The following ADRA1B variants were observed in gnomAD, a reference collection of about 807,000 sequenced individuals.
ADRA1B encodes the protein adrenoceptor alpha 1B.
A neutral mutation model predicts 17.9 loss-of-function variants in ADRA1B; 17 were observed. The ratio of observed to expected loss-of-function variants is 0.95; its 90% CI spans 0.65 to 1.42. The LOEUF (loss-of-function observed/expected upper bound fraction) is 1.42, where lower values mean the gene tolerates loss of function less well. Ranked by LOEUF, ADRA1B falls within the 40% of genes most tolerant of loss-of-function variation. ADRA1B has a pLI of 0.00. For missense variants in ADRA1B, 681 were observed against 722.1 expected, an observed-to-expected ratio of 0.94 and a Z score of 0.65; for synonymous variants, 366 against 327.6, an observed-to-expected ratio of 1.12 and a Z score of -1.27.
chr5:159,883,631 C>T (rs1753890920), intron 1 of ADRA1B, among the ~76,000 whole-genome samples: 1 of 152,188 alleles, frequency 6.6e-6, no homozygotes, highest in African/African-American at 2.4e-5. Context: ...CAAATTAGGC[C>T]TTCCCCATGG....
intron 1 of ADRA1B, among the ~76,000 whole-genome samples, chr5:159,901,883 C>T (rs1383569350): frequency 6.6e-6 from 1 of 152,138 alleles, no homozygotes; most frequent in Non-Finnish European, 1.5e-5. Context: ...AATTGGAAGC[C>T]TTGCACACTG....
upstream of ADRA1B, among the ~76,000 whole-genome samples, chr5:159,911,826 C>A (rs1754229981): frequency 6.6e-6 from 1 of 152,104 alleles, no homozygotes; most frequent in African/African-American, 2.4e-5. Context: ...TTCTTCGAGT[C>A]CCCACAGACC....
chr5:159,962,815 G>A (rs76204148), intron 1 of ADRA1B, among the ~76,000 whole-genome samples: 10,012 of 140,808 alleles, frequency 0.071, 523 homozygotes, highest in East Asian at 0.18. Flanking sequence ...GTCCACAGGT[G>A]TGGGGGCCAC....
chr5:159,940,882 A>G (rs1210334922), intron 1 of ADRA1B, among the ~76,000 whole-genome samples: 6 of 152,246 alleles, frequency 3.9e-5, no homozygotes, highest in Non-Finnish European at 7.3e-5. Context: ...AAAAGGAGAT[A>G]CATGAAATGC....
chr5:159,942,066 G>A (rs552505705), intron 1 of ADRA1B, among the ~76,000 whole-genome samples: 1 of 152,030 alleles, frequency 6.6e-6, no homozygotes, highest in Non-Finnish European at 1.5e-5. Flanking sequence ...GGGACTACAG[G>A]TGCCCGCCAC....
intron 1 of ADRA1B, among the ~76,000 whole-genome samples, chr5:159,948,763 A>G (rs1755345650): frequency 6.6e-6 from 1 of 152,192 alleles, no homozygotes; most frequent in Non-Finnish European, 1.5e-5. Flanking sequence ...ACTTATGTTG[A>G]ATATTTGGGG....
At chr5:159,973,212 T>C (rs1755920623), downstream of ADRA1B, among the ~76,000 whole-genome samples, 1 of 152,232 alleles carries the variant, frequency 6.6e-6, no homozygotes, top group South Asian at 2.1e-4. Context: ...ATTTACGCCT[T>C]TGCGGTTACT....
chr5:159,963,190 C>T (rs1755709535), intron 1 of ADRA1B, among the ~76,000 whole-genome samples: 1 of 150,870 alleles, frequency 6.6e-6, no homozygotes, highest in South Asian at 2.1e-4. Context: ...TTTCCCCACA[C>T]TCAAAGATAA....
chr5:159,896,475 T>C (rs1754041803), intron 1 of ADRA1B, among the ~76,000 whole-genome samples: 1 of 152,162 alleles, frequency 6.6e-6, no homozygotes, highest in Non-Finnish European at 1.5e-5. Flanking sequence ...TTTAAGTGAT[T>C]AAATGTGTTC....
rs1754335640 is a variant in ADRA1B, at chr5:159,917,098, C to T, written c.193C>T (p.Leu65=). The T allele has an allele frequency of 6.2e-7, 1 of 1,614,140 alleles. No homozygotes were observed. Among genetic ancestry groups the T allele is most frequent in the Non-Finnish European group, 8.5e-7 (1 of 1,179,998 alleles). Residue 65 remains leucine, a synonymous_variant, in exon 1 of 2, where the codon CTA becomes TTA. Coordinates refer to ENST00000306675, the MANE Select transcript of ADRA1B (RefSeq NM_000679.4). ...FILFAIVGNI[L]VILSVACNRH... ...CCTCTTTGCCATCGTGGGCAACATCCTAGTCATCTTGTCTGTGGCCTGCAA... is the reference window on the plus strand; with the variant it reads ...CCTCTTTGCCATCGTGGGCAACATCTTAGTCATCTTGTCTGTGGCCTGCAA...
chr5:159,979,601 G>A, the ADRA1B span, among the ~76,000 whole-genome samples: 3 of 152,280 alleles, frequency 2.0e-5, no homozygotes, highest in South Asian at 4.1e-4. Flanking sequence ...GGGCATGGTG[G>A]CTCACACCTG....
intron 1 of ADRA1B, among the ~76,000 whole-genome samples, chr5:159,900,613 C>T (rs566233423): frequency 2.6e-5 from 4 of 152,284 alleles, no homozygotes; most frequent in East Asian, 3.9e-4. Context: ...ATGAAAGTGA[C>T]GAAACTTAAT....
intron 1 of ADRA1B, among the ~76,000 whole-genome samples, chr5:159,896,264 TAAAC>T (rs1156429255): frequency 6.6e-6 from 1 of 152,124 alleles, no homozygotes; most frequent in East Asian, 1.9e-4. Flanking sequence ...TAAAAATAAA[TAAAC>T]AAGCTAAAGG....
intron 1 of ADRA1B, among the ~76,000 whole-genome samples, chr5:159,910,569 AT>A (rs1456295655): frequency 6.6e-6 from 1 of 152,194 alleles, no homozygotes; most frequent in Non-Finnish European, 1.5e-5. Context: ...GGGAGTAAAT[AT>A]TTTAGGCTTT....
intron 1 of ADRA1B, among the ~76,000 whole-genome samples, chr5:159,881,122 C>A (rs1753856752): frequency 7.2e-6 from 1 of 139,506 alleles, no homozygotes; most frequent in Non-Finnish European, 1.5e-5. Flanking sequence ...TGCAGTGAGC[C>A]GAGATTGCGC....
intron 1 of ADRA1B, among the ~76,000 whole-genome samples, chr5:159,932,873 T>C (rs1349076034): frequency 6.6e-6 from 1 of 152,216 alleles, no homozygotes; most frequent in Non-Finnish European, 1.5e-5. Flanking sequence ...TAGCATTTCT[T>C]TTTTTCAGAT....
At chr5:159,940,498 G>C (rs2113229221) in intron 1 of ADRA1B, among the ~76,000 whole-genome samples, 1 of 152,136 alleles carries the variant, frequency 6.6e-6, no homozygotes, top group South Asian at 2.1e-4. Flanking sequence ...CCCCAACCCT[G>C]CTCCTTGGCC....
chr5:159,923,146 G>A (rs1001879932), intron 1 of ADRA1B, among the ~76,000 whole-genome samples: 1 of 152,282 alleles, frequency 6.6e-6, no homozygotes, highest in Non-Finnish European at 1.5e-5. Context: ...GAATTAGAAG[G>A]GAGGCAGGTG....
chr5:159,925,411 A>G lies in ADRA1B; in HGVS notation c.949+7557A>G, dbSNP rs76838132. On this transcript the variant is annotated intron_variant, in intron 1 of 1. Coordinates refer to ENST00000306675, the MANE Select transcript of ADRA1B (RefSeq NM_000679.4). ...TGGTAATGTCACATACGGTTTTCAG[A>G]TTTTTATCAAATTTGGAGAAACACA... Among the ~76,000 whole-genome samples, 743 of 152,298 alleles carry G rather than the reference A, an allele frequency of 4.9e-3. 10 individuals carry two copies. The highest frequency in any genetic ancestry group is 0.017 in the African/African-American group (712 of 41,566).
Sources: gnomAD v4.1 joint callset for allele counts (sites outside exome capture counted in the v4.1 genomes callset) on GRCh38, gnomAD v4.1.1 for gene constraint, MANE v1.5 for transcripts, NCBI Gene and HGNC (gene_info 2026-07-23, HGNC 2026-07-21) for gene names.